Variants in STAU2 observed in about 807,000 individuals in gnomAD.
STAU2 encodes the protein double-stranded RNA-binding protein Staufen homolog 2.
A neutral mutation model predicts 65.9 loss-of-function variants in STAU2; 20 were observed. That is an observed-to-expected ratio of 0.30 (90% CI 0.21 to 0.44). STAU2 has a LOEUF of 0.44. Among genes scored for constraint, STAU2 ranks in the 20% least tolerant of loss-of-function variants. The pLI is 1.00. For missense variants in STAU2, 558 were observed against 683.9 expected (o/e 0.82, Z 2.05); for synonymous variants, 232 against 233.9 (o/e 0.99, Z 0.07).
At chr8:73,423,277 G>A (rs1425819113) in intron 13 of STAU2, among the ~76,000 whole-genome samples, 4 of 152,318 alleles carry the variant, frequency 2.6e-5, no homozygotes, top group Admixed American at 2.6e-4. Context: ...CAGGCCTGCC[G>A]GGCAGAGCCT....
At chr8:73,597,040 G>A (rs1811236165) in intron 10 of STAU2, among the ~76,000 whole-genome samples, 1 of 151,490 alleles carries the variant, frequency 6.6e-6, no homozygotes, top group Non-Finnish European at 1.5e-5. Flanking sequence ...CTTACAGGAG[G>A]GCAAAAAAGT....
intron 12 of STAU2, among the ~76,000 whole-genome samples, chr8:73,553,306 G>A (rs1403121369): frequency 1.3e-5 from 2 of 152,066 alleles, no homozygotes; most frequent in Non-Finnish European, 2.9e-5. Flanking sequence ...TCCTGTTCTT[G>A]CCCCTTCCTC....
At chr8:73,508,781 G>A (rs926813561) in intron 13 of STAU2, among the ~76,000 whole-genome samples, 3 of 152,164 alleles carry the variant, frequency 2.0e-5, no homozygotes, top group Non-Finnish European at 4.4e-5. Flanking sequence ...CATATAGCAT[G>A]TTTTTGAAGT....
At chr8:73,686,944 G>A (rs1818880195) in intron 5 of STAU2, among the ~76,000 whole-genome samples, 1 of 148,318 alleles carries the variant, frequency 6.7e-6, no homozygotes, top group African/African-American at 2.5e-5. Flanking sequence ...CCAGGCTGGA[G>A]TGTAGTGGCG....
chr8:73,521,014 T>C (rs1466830682), intron 13 of STAU2, among the ~76,000 whole-genome samples: 1 of 152,148 alleles, frequency 6.6e-6, no homozygotes, highest in African/African-American at 2.4e-5. Context: ...TACTATCACT[T>C]AAGACCATCT....
intron 3 of STAU2, among the ~76,000 whole-genome samples, chr8:73,724,675 GTATA>G (rs1554571841): frequency 4.2e-4 from 58 of 138,126 alleles, no homozygotes; most frequent in African/African-American, 1.4e-3. Flanking sequence ...GTGTGTGTGT[GTATA>G]TATATATATA....
Position 73,550,289 on chromosome 8 carries a change from A to C in STAU2, c.1530+1723T>G, listed in dbSNP as rs117096064. On this transcript the variant is annotated intron_variant, in intron 13 of 14. Coordinates refer to ENST00000524300, the MANE Select transcript of STAU2 (RefSeq NM_001164380.2). Reference sequence around the variant, plus strand: ...TTAAAAAGGCCTTAGCAATGCAATAATGAGGGAAGCAGACTCTACATGTTG... The same window carrying C: ...TTAAAAAGGCCTTAGCAATGCAATACTGAGGGAAGCAGACTCTACATGTTG... The C allele has an allele frequency of 0.033, 32,746 of 984,612 alleles. 600 individuals carry two copies. Among genetic ancestry groups the C allele is most frequent in the South Asian group, 0.059 (1,260 of 21,260 alleles). 61.0% of individuals were successfully genotyped at this position (984,612 alleles called of 1,614,324 possible).
At chr8:73,524,801 A>T (rs780443752) in intron 13 of STAU2, among the ~76,000 whole-genome samples, 3 of 152,198 alleles carry the variant, frequency 2.0e-5, no homozygotes, top group Non-Finnish European at 4.4e-5. Flanking sequence ...TTGCTTTAAA[A>T]TGTTTCCCTA....
chr8:73,441,828 T>C (rs1193524796), intron 13 of STAU2, among the ~76,000 whole-genome samples: 2 of 152,236 alleles, frequency 1.3e-5, no homozygotes, highest in Non-Finnish European at 2.9e-5. Context: ...AAGTTAAGTA[T>C]TATGTGTCTC....
chr8:73,579,936 C>A (rs968329840), intron 12 of STAU2, among the ~76,000 whole-genome samples: 1 of 152,188 alleles, frequency 6.6e-6, no homozygotes, highest in African/African-American at 2.4e-5. Context: ...TTTCCTATGA[C>A]TGTAATCTTT....
chr8:73,603,842 C>T lies in STAU2; in HGVS notation c.913G>A (p.Gly305Arg), dbSNP rs752255433. The T allele has an allele frequency of 1.2e-6, 2 of 1,610,062 alleles. No individual in the cohort carries two copies. Among genetic ancestry groups the T allele is most frequent in the Non-Finnish European group, 1.7e-6 (2 of 1,179,172 alleles). ...GCCAGGCGGCTAATAGGGTTCATCC[C>T]TTGGCCATATTCTGGTCCGGCCTAA... is the stretch of plus-strand genomic sequence containing the variant. ...IVKAGPEYGQ[G>R]MNPISRLAQI... Residue 305 changes from glycine to arginine, a missense_variant, in exon 10 of 15, where the codon GGG (glycine) becomes AGG (arginine). This residue lies in a region of STAU2 where 199 missense variants were observed against 299.5 expected (regional missense o/e 0.66). Transcript: ENST00000524300.
chr8:73,569,072 T>C (rs1808838474), intron 12 of STAU2, among the ~76,000 whole-genome samples: 1 of 152,058 alleles, frequency 6.6e-6, no homozygotes, highest in Non-Finnish European at 1.5e-5. Context: ...AGGGAAGCTG[T>C]GACAGATGGT....
intron 3 of STAU2, among the ~76,000 whole-genome samples, chr8:73,723,145 AGACT>A (rs1821805606): frequency 6.6e-6 from 1 of 151,946 alleles, no homozygotes; most frequent in Admixed American, 6.6e-5. Flanking sequence ...CACACACAAC[AGACT>A]AACTCATACT....
At chr8:73,611,952 G>T (rs1462787817) in intron 9 of STAU2, among the ~76,000 whole-genome samples, 1 of 152,078 alleles carries the variant, frequency 6.6e-6, no homozygotes, top group African/African-American at 2.4e-5. Context: ...AAAAGTGCTG[G>T]GATTACAGGC....
Position 73,543,429 on chromosome 8 carries a change from G to A in STAU2, c.1530+8583C>T, listed in dbSNP as rs544397724. On this transcript the variant is annotated intron_variant, in intron 13 of 14. Transcript: ENST00000524300. ...ATGTAAATTATACATCAATAAGGTTGATTAAAACACTTAAGTGTAGTTATC... is the reference window on the plus strand; with the variant it reads ...ATGTAAATTATACATCAATAAGGTTAATTAAAACACTTAAGTGTAGTTATC... 1.1e-3 allele frequency among the ~76,000 whole-genome samples: 170 copies of A among 152,176 alleles called. 2 individuals carry two copies. The highest frequency in any genetic ancestry group is 1.0e-3 in the Non-Finnish European group (70 of 68,024).
At chr8:73,513,521 T>C (rs1822528452) in intron 13 of STAU2, among the ~76,000 whole-genome samples, 2 of 152,192 alleles carry the variant, frequency 1.3e-5, no homozygotes. Context: ...TCTCTGCATA[T>C]GTGCAGATTT....
chr8:73,472,740 A>G (rs1820101502), intron 13 of STAU2, among the ~76,000 whole-genome samples: 1 of 152,208 alleles, frequency 6.6e-6, no homozygotes, highest in South Asian at 2.1e-4. Context: ...CATTAAAAAA[A>G]CAAAAAACAT....
intron 10 of STAU2, among the ~76,000 whole-genome samples, chr8:73,597,598 A>T (rs1811290107): frequency 6.8e-6 from 1 of 146,020 alleles, no homozygotes; most frequent in Non-Finnish European, 1.5e-5. Context: ...TGGACCCAGG[A>T]GAAAGAGGCT....
intron 1 of STAU2, among the ~76,000 whole-genome samples, chr8:73,740,548 T>C (rs1374496256): frequency 1.3e-5 from 2 of 152,186 alleles, no homozygotes; most frequent in Non-Finnish European, 2.9e-5. Context: ...CCGCTTTCAA[T>C]AGGAATGGAG....
Sources: allele counts gnomAD v4.1 joint callset (sites outside exome capture counted in the v4.1 genomes callset), GRCh38; gene constraint gnomAD v4.1.1; regional missense constraint gnomAD v4.1.1; transcripts MANE v1.5; gene names NCBI Gene and HGNC (gene_info 2026-07-23, HGNC 2026-07-21).